The following FGD4 variants were observed in gnomAD, a reference collection of about 807,000 sequenced individuals.
The protein encoded by FGD4 is FYVE, RhoGEF and PH domain containing 4, also known as FYVE, RhoGEF and PH domain-containing protein 4.
FGD4 carries 42 observed loss-of-function variants against 102.0 expected under a neutral mutation model. That is an observed-to-expected ratio of 0.41 (90% CI 0.32 to 0.53). The LOEUF is 0.53. Among genes scored for constraint, FGD4 ranks in the 20% least tolerant of loss-of-function variants. The pLI is 0.21. For missense variants in FGD4, 902 were observed against 1,078.2 expected, an observed-to-expected ratio of 0.84 and a Z score of 2.29; for synonymous variants, 380 against 375.7, an observed-to-expected ratio of 1.01 and a Z score of -0.13.
intron 13 of FGD4, 107 bp downstream of exon 13, chr12:32,625,175 A>C: frequency 1.1e-6 from 1 of 924,018 alleles, no homozygotes; most frequent in Non-Finnish European, 1.7e-6. Context: ...CAATGTCAGA[A>C]CTGGCTGGTT....
chr12:32,468,467 A>G (rs936989525), intron 1 of FGD4, among the ~76,000 whole-genome samples: 3 of 152,200 alleles, frequency 2.0e-5, no homozygotes, highest in Non-Finnish European at 4.4e-5. Context: ...AGAAGCATGA[A>G]TATTGAAAAC....
intron 1 of FGD4, chr12:32,534,302 TCGAAGAATGCACTGAAGTC>T: frequency 2.3e-6 from 3 of 1,331,992 alleles, no homozygotes; most frequent in Non-Finnish European, 2.9e-6. Flanking sequence ...GGCAGTAAGT[TCGAAGAATGCACTGAAGTC>T]ATAGTGCATT....
At chr12:32,487,886 A>C (rs1314290306) in intron 1 of FGD4, among the ~76,000 whole-genome samples, 1 of 152,182 alleles carries the variant, frequency 6.6e-6, no homozygotes, top group African/African-American at 2.4e-5. Flanking sequence ...AAAAATGTGG[A>C]TTCCATTGCT....
At chr12:32,460,379 G>A (rs1160135082) in intron 1 of FGD4, among the ~76,000 whole-genome samples, 1 of 151,964 alleles carries the variant, frequency 6.6e-6, no homozygotes, top group East Asian at 1.9e-4. Context: ...GCCACTGGTG[G>A]TGGTGCGTGC....
chr12:32,470,374 C>T (rs1419536303), intron 1 of FGD4, among the ~76,000 whole-genome samples: 1 of 152,076 alleles, frequency 6.6e-6, no homozygotes, highest in Non-Finnish European at 1.5e-5. Context: ...AGTATTGATG[C>T]CGAAGTATTC....
At chr12:32,555,043 A>C (rs1943976913) in intron 1 of FGD4, among the ~76,000 whole-genome samples, 1 of 152,220 alleles carries the variant, frequency 6.6e-6, no homozygotes, top group African/African-American at 2.4e-5. Flanking sequence ...CTGGTTTGAC[A>C]ATATGGACTG....
intron 4 of FGD4, among the ~76,000 whole-genome samples, chr12:32,590,546 T>C (rs1324326916): frequency 1.3e-5 from 2 of 152,162 alleles, no homozygotes; most frequent in East Asian, 3.8e-4. Flanking sequence ...TCCAGAGGGA[T>C]TTCTCCTCAT....
intron 3 of FGD4, among the ~76,000 whole-genome samples, chr12:32,580,304 T>G (rs1946500656): frequency 6.6e-6 from 1 of 151,860 alleles, no homozygotes; most frequent in South Asian, 2.1e-4. Flanking sequence ...AAGGGGCTTC[T>G]TATAGTTTGT....
At chr12:32,449,126 T>G (rs1047545292) in intron 1 of FGD4, among the ~76,000 whole-genome samples, 6 of 152,226 alleles carry the variant, frequency 3.9e-5, no homozygotes, top group African/African-American at 1.4e-4. Flanking sequence ...TACAGAAATT[T>G]TTTTTTCCTA....
In FGD4 at chr12:32,644,762, A is replaced by G. The variant is rs778229563; in HGVS notation, c.*4229A>G. 6.6e-6 allele frequency: 1 copy of G among 152,154 alleles called. No individual in the cohort carries two copies. The highest frequency in any genetic ancestry group is 1.5e-5 in the Non-Finnish European group (1 of 68,028). The allele number at this position is 152,154 out of a possible 1,614,324, so 9.4% of individuals were successfully genotyped here. ...ATGTAATTACATGCTGATGGGATCC[A>G]TTGCACCCAGGTTTTTGACCTTGGC... is the stretch of plus-strand genomic sequence containing the variant. On this transcript the variant is annotated 3_prime_UTR_variant, in exon 17 of 17. Transcript: ENST00000534526.
At chr12:32,622,815 A>C (rs1229790199) in intron 11 of FGD4, among the ~76,000 whole-genome samples, 1 of 151,800 alleles carries the variant, frequency 6.6e-6, no homozygotes, top group African/African-American at 2.4e-5. Flanking sequence ...CTGGTCTCAA[A>C]CTCCTGACCT....
At chr12:32,589,353 T>G (rs959213126) in intron 4 of FGD4, among the ~76,000 whole-genome samples, 2 of 152,186 alleles carry the variant, frequency 1.3e-5, no homozygotes, top group Non-Finnish European at 2.9e-5. Flanking sequence ...TACCACCTCT[T>G]TTTTAACTTA....
At chr12:32,624,345 C>A in intron 11 of FGD4, 77 bp from the exon 12 acceptor site, 1 of 1,186,160 alleles carries the variant, frequency 8.4e-7, no homozygotes, top group Non-Finnish European at 1.2e-6. Context: ...GTTGGAACAA[C>A]AGGAAAGCAT....
chr12:32,432,426 G>A (rs1942080546), intron 1 of FGD4, among the ~76,000 whole-genome samples: 1 of 151,272 alleles, frequency 6.6e-6, no homozygotes, highest in Admixed American at 6.6e-5. Flanking sequence ...GACCAGCCTG[G>A]CCAACATGGT....
chr12:32,447,491 T>A (rs192139384), intron 1 of FGD4, among the ~76,000 whole-genome samples: 3 of 151,772 alleles, frequency 2.0e-5, no homozygotes, highest in Admixed American at 2.0e-4. Context: ...TTACTGTCAT[T>A]CTTTTTAAAC....
intron 1 of FGD4, among the ~76,000 whole-genome samples, chr12:32,473,210 G>C (rs920402544): frequency 5.3e-5 from 8 of 152,044 alleles, no homozygotes; most frequent in African/African-American, 1.9e-4. Flanking sequence ...CCAGATAAGA[G>C]AATAAAAGCA....
At chr12:32,583,521 A>C (rs146783747) in intron 4 of FGD4, among the ~76,000 whole-genome samples, 1 of 152,318 alleles carries the variant, frequency 6.6e-6, no homozygotes, top group East Asian at 1.9e-4. Flanking sequence ...TTAAATGGCT[A>C]AATGCAAGAA....
intron 1 of FGD4, among the ~76,000 whole-genome samples, chr12:32,505,528 C>T (rs745560139): frequency 8.5e-5 from 13 of 152,156 alleles, no homozygotes; most frequent in Non-Finnish European, 1.6e-4. Context: ...AATAAAAAGG[C>T]AAACTTTTCA....
At chr12:32,422,383 C>G (rs535524573) in intron 1 of FGD4, among the ~76,000 whole-genome samples, 1 of 138,856 alleles carries the variant, frequency 7.2e-6, no homozygotes, top group African/African-American at 2.7e-5. Flanking sequence ...ACTACAAGCT[C>G]CGCTTCCCGA....
Sources: allele counts gnomAD v4.1 joint callset (sites outside exome capture counted in the v4.1 genomes callset), GRCh38; gene constraint gnomAD v4.1.1; transcripts MANE v1.5; gene names NCBI Gene and HGNC (gene_info 2026-07-23, HGNC 2026-07-21).